Variants in NUP58 observed in about 807,000 individuals in gnomAD.
The protein encoded by NUP58 is nucleoporin p58/p45.
In NUP58, 17 loss-of-function variants were observed where a neutral mutation model predicts 70.1. The observed-to-expected ratio is 0.24, with a 90% CI of 0.17 to 0.36. The LOEUF is 0.36. Among genes scored for constraint, NUP58 ranks in the 10% least tolerant of loss-of-function variants. The probability of loss-of-function intolerance (pLI) is 1.00; values close to 1 mark genes in which losing one functional copy is unlikely to be tolerated. For synonymous variants in NUP58, 275 were observed against 257.6 expected (o/e 1.07, Z -0.65); for missense variants, 644 against 701.5 (o/e 0.92, Z 0.93).
At chr13:25,302,907 C>G in intron 1 of NUP58, 1 of 452,648 alleles carries the variant, frequency 2.2e-6, no homozygotes, top group South Asian at 1.6e-5. Flanking sequence ...TCTGCCATTT[C>G]TGTTTGTCTT....
chr13:25,312,879 A>T lies in NUP58; in HGVS notation c.287-4A>T. On this transcript the variant is annotated splice_region_variant and splice_polypyrimidine_tract_variant and intron_variant, in intron 3 of 15. Coordinates refer to ENST00000381736, the MANE Select transcript of NUP58 (RefSeq NM_014089.4). Reference sequence around the variant, plus strand: ...TTTGTTTATTCATTTATTTATTTAAATAGGAACGCCAGCCACTACATCTGC... The same window carrying T: ...TTTGTTTATTCATTTATTTATTTAATTAGGAACGCCAGCCACTACATCTGC... The T allele has an allele frequency of 6.3e-7, 1 of 1,593,008 alleles. No homozygotes were observed. Among genetic ancestry groups the T allele is most frequent in the African/African-American group, 1.4e-5 (1 of 74,052 alleles).
intron 12 of NUP58, among the ~76,000 whole-genome samples, chr13:25,331,152 A>G (rs1459476577): frequency 6.6e-6 from 1 of 152,200 alleles, no homozygotes; most frequent in Admixed American, 6.5e-5. Context: ...TTGTAAAGAT[A>G]GGGAGTAAAC....
chr13:25,343,805 G>GTATATATATATATATATATATACACA (rs1555258645), downstream of NUP58, among the ~76,000 whole-genome samples: 156 of 137,648 alleles, frequency 1.1e-3, 2 homozygotes, highest in Non-Finnish European at 1.5e-3. Context: ...ACATATATAT[G>GTATATATATATATATATATATACACA]TATATATATA....
intron 14 of NUP58, among the ~76,000 whole-genome samples, chr13:25,338,245 G>T (rs993312173): frequency 3.9e-5 from 6 of 152,126 alleles, no homozygotes; most frequent in Non-Finnish European, 7.4e-5. Context: ...TGTAGTGCAT[G>T]TCATGCTTAT....
intron 12 of NUP58, among the ~76,000 whole-genome samples, chr13:25,329,162 C>T (rs896534548): frequency 7.9e-5 from 12 of 151,822 alleles, no homozygotes; most frequent in South Asian, 4.2e-4. Flanking sequence ...CTTTGAAGTC[C>T]GTTGCACAGA....
rs1343506041 is a variant in NUP58 at position 25,308,868 on chromosome 13, C to T, written c.251-379C>T. Among the ~76,000 whole-genome samples the T allele has an allele frequency of 2.6e-5, 4 of 152,164 alleles. No individual in the cohort carries two copies. In the South Asian group the frequency reaches 6.2e-4, roughly 24 times the overall value. ...TGATCTTCCAGCTTTGAGTGCAGCACATTTCACAGCCACATCTAGAAAATG... is the reference window on the plus strand; with the variant it reads ...TGATCTTCCAGCTTTGAGTGCAGCATATTTCACAGCCACATCTAGAAAATG... On this transcript the variant is annotated intron_variant, in intron 2 of 15. Transcript: ENST00000381736.
intron 1 of NUP58, chr13:25,302,944 G>A (rs757046335): frequency 2.2e-6 from 1 of 456,538 alleles, no homozygotes; most frequent in African/African-American, 2.0e-5. Flanking sequence ...ACCCTGCTTA[G>A]GCTATTGTCA....
intron 1 of NUP58, among the ~76,000 whole-genome samples, chr13:25,303,441 TTTC>T (rs2030134072): frequency 6.8e-6 from 1 of 148,016 alleles, no homozygotes; most frequent in Admixed American, 7.2e-5. Flanking sequence ...ATATTTTCTA[TTTC>T]TTTTTTTTTT....
intron 9 of NUP58, among the ~76,000 whole-genome samples, chr13:25,323,275 T>C (rs2031259280): frequency 6.6e-6 from 1 of 152,018 alleles, no homozygotes; most frequent in South Asian, 2.1e-4. Flanking sequence ...CTGGGCTTAA[T>C]ACCTAGGCGA....
At position 25,333,295 on chromosome 13, in the gene NUP58, A is replaced by AT. The variant is rs1203879249; in HGVS notation, c.1435+1741dup. On this transcript the variant is annotated intron_variant, in intron 13 of 15. Transcript: ENST00000381736. ...AGGAATACAAAGGTAGACAATATAG[A>AT]TTTTGTCTTTGCCCTCTGTGGTGGT... is the stretch of plus-strand genomic sequence containing the variant. 5.1e-6 allele frequency: 5 copies of AT among 985,210 alleles called. No individual in the cohort carries two copies. The Admixed American group carries it at 3.1e-4, about 61-fold the overall frequency. 61.0% of individuals were successfully genotyped at this position (985,210 alleles called of 1,614,324 possible).
intron 3 of NUP58, among the ~76,000 whole-genome samples, chr13:25,348,342 A>G (rs2032073160): frequency 6.6e-6 from 1 of 152,210 alleles, no homozygotes; most frequent in Non-Finnish European, 1.5e-5. Flanking sequence ...CAGTATGAAA[A>G]ATGCCAAATA....
intron 3 of NUP58, chr13:25,349,545 C>T (rs903821306): frequency 2.0e-5 from 3 of 152,584 alleles, no homozygotes; most frequent in Non-Finnish European, 2.9e-5. Flanking sequence ...ACAGTCTAAA[C>T]GATTTTTCTC....
At chr13:25,334,155 T>G (rs1057321398) in intron 13 of NUP58, 3 of 985,420 alleles carry the variant, frequency 3.0e-6, no homozygotes, top group Non-Finnish European at 3.6e-6. Context: ...TATGAAATCA[T>G]GAGCATCGAT....
chr13:25,313,019 A>T lies in NUP58; in HGVS notation c.423A>T (p.Thr141=). ...GTCTGACTCTTTCGTCTGCTCTGAC[A>T]TCAACTCCAGCAGGTGAGGCAGAAT... ...ASGLTLSSAL[T]STPAASTGFT... The change falls in exon 4 of 16, where the codon ACA becomes ACT. Residue 141 remains threonine (T), a synonymous_variant. Transcript: ENST00000381736. 1 of 1,613,194 alleles carries T rather than the reference A, an allele frequency of 6.2e-7. No homozygotes were observed.
At chr13:25,332,812 T>G (rs1364526418) in intron 13 of NUP58, 7 of 985,408 alleles carry the variant, frequency 7.1e-6, no homozygotes, top group Non-Finnish European at 8.4e-6. Context: ...AGGGAAAAAG[T>G]CATTATGGGA....
chr13:25,303,605 G>A (rs1566053879), intron 1 of NUP58, among the ~76,000 whole-genome samples: 5 of 152,110 alleles, frequency 3.3e-5, no homozygotes, highest in Admixed American at 2.0e-4. Flanking sequence ...CTTCCCCAGA[G>A]AGGCCTTTTC....
chr13:25,302,385 G>A (rs2030064947), intron 1 of NUP58, among the ~76,000 whole-genome samples: 1 of 152,024 alleles, frequency 6.6e-6, no homozygotes, highest in Admixed American at 6.5e-5. Context: ...GACCTTATCT[G>A]TTTTTGTTAA....
rs1027042181 is a variant in NUP58, at chr13:25,340,806, T to A, written c.*672T>A. On this transcript the variant is annotated 3_prime_UTR_variant, in exon 16 of 16. Coordinates refer to ENST00000381736, the MANE Select transcript of NUP58 (RefSeq NM_014089.4). ...AGTGGCGGGTACCTATAATCCCAGC[T>A]ACTCGGGAGGCTGAGGCACGAGAAT... 2 of 151,510 alleles carry A rather than the reference T, an allele frequency of 1.3e-5. No homozygotes were observed. Among genetic ancestry groups the A allele is most frequent in the Non-Finnish European group, 2.9e-5 (2 of 67,934 alleles). 9.4% of individuals were successfully genotyped at this position (151,510 alleles called of 1,614,324 possible). A position where few individuals can be genotyped will look rare whatever the true frequency, so the allele number is the denominator to read the frequency against.
chr13:25,334,758 AT>A, intron 13 of NUP58: 1 of 984,072 alleles, frequency 1.0e-6, no homozygotes, highest in Non-Finnish European at 1.2e-6. Context: ...AGAAAGTAAA[AT>A]TTATTCTGGA....
Sources: allele counts gnomAD v4.1 joint callset (sites outside exome capture counted in the v4.1 genomes callset), GRCh38; gene constraint gnomAD v4.1.1; transcripts MANE v1.5; gene names NCBI Gene and HGNC (gene_info 2026-07-23, HGNC 2026-07-21).